The following AFF1 variants were observed in gnomAD, a reference collection of about 807,000 sequenced individuals.
AFF1 encodes AF4/FMR2 family member 1.
Under a neutral mutation model 121.7 loss-of-function variants are expected in AFF1, and 48 were observed. That is an observed-to-expected ratio of 0.39 (90% confidence interval 0.31 to 0.50). The LOEUF is 0.50. Among genes scored for constraint, AFF1 ranks in the 20% least tolerant of loss-of-function variants. The pLI, the probability that AFF1 is intolerant of heterozygous loss-of-function variation, is 0.76. For missense variants in AFF1, 1,523 were observed against 1,511.7 expected, an observed-to-expected ratio of 1.01 and a Z score of -0.12; for synonymous variants, 613 against 563.0, an observed-to-expected ratio of 1.09 and a Z score of -1.26.
Position 87,114,713 on chromosome 4 carries a change from G to A in AFF1, c.1880G>A (p.Ser627Asn). The A allele has an allele frequency of 1.9e-6, 3 of 1,613,968 alleles. No homozygotes were observed. Among genetic ancestry groups the A allele is most frequent in the East Asian group, 2.2e-5 (1 of 44,818 alleles). ...TCTGCCCGGGCAGGTTCACGGACCA[G>A]CCTGCAGGGGGAAAGGGAGCCAGGG... is the stretch of plus-strand genomic sequence containing the variant. ...KASARAGSRT[S>N]LQGEREPGLL... Residue 627 changes from serine (S) to asparagine (N), a missense_variant, in exon 12 of 21, where the codon AGC becomes AAC. Physicochemically the swap from Ser to Asn is conservative, Grantham distance 46. This residue lies in a region of AFF1 where 905 missense variants were observed against 842.5 expected (regional missense o/e 1.07). Transcript: ENST00000395146.
At chr4:86,937,431 TTCCTC>T (rs1446543458) in intron 1 of AFF1, among the ~76,000 whole-genome samples, 1 of 152,232 alleles carries the variant, frequency 6.6e-6, no homozygotes, top group Non-Finnish European at 1.5e-5. Context: ...TCTCTTCTGT[TTCCTC>T]TCCGGTTTAA....
At chr4:87,097,280 T>C (rs1724971966) in intron 8 of AFF1, among the ~76,000 whole-genome samples, 1 of 152,186 alleles carries the variant, frequency 6.6e-6, no homozygotes, top group Admixed American at 6.5e-5. Context: ...GGGTAGTGAC[T>C]GTGTCTCTCG....
At chr4:87,068,871 T>A (rs184377439) in intron 4 of AFF1, among the ~76,000 whole-genome samples, 1 of 152,264 alleles carries the variant, frequency 6.6e-6, no homozygotes, top group East Asian at 1.9e-4. Context: ...GGCAAGGGGA[T>A]GTGTGAAAAC....
At chr4:87,019,871 T>G (rs1313512236) in intron 2 of AFF1, among the ~76,000 whole-genome samples, 1 of 54,574 alleles carries the variant, frequency 1.8e-5, no homozygotes, top group East Asian at 6.4e-4. Flanking sequence ...CTGTGACTGG[T>G]GTCTGAAGGG....
At chr4:86,959,938 A>G (rs1722025576) in intron 2 of AFF1, among the ~76,000 whole-genome samples, 1 of 152,130 alleles carries the variant, frequency 6.6e-6, no homozygotes, top group Admixed American at 6.5e-5. Context: ...GTTGGTTCTA[A>G]CTGGGGGCCA....
At chr4:86,997,001 T>TCCCGGG (rs1257971578) in intron 2 of AFF1, among the ~76,000 whole-genome samples, 40 of 152,294 alleles carry the variant, frequency 2.6e-4, no homozygotes, top group African/African-American at 9.4e-4. Flanking sequence ...AACCTCTGCC[T>TCCCGGG]CCCGGGTTCA....
rs1355812563 is a variant in AFF1 at position 86,987,089 on chromosome 4, C to T, written c.38+38518C>T. The stretch of plus-strand genomic sequence containing the variant: ...CAAACTGCTGGCATCAGGTGATTCT[C>T]TTGCCTTAAATCCTCATCTTCAAGC... On this transcript the variant is annotated intron_variant, in intron 2 of 20. Transcript: ENST00000395146. Among the ~76,000 whole-genome samples, 7 of 152,234 alleles carry T rather than the reference C, an allele frequency of 4.6e-5. No homozygotes were observed. In the East Asian group the frequency reaches 1.2e-3, roughly 25 times the overall value.
At chr4:87,049,594 A>T in intron 4 of AFF1, 1 of 430,816 alleles carries the variant, frequency 2.3e-6, no homozygotes, top group East Asian at 7.2e-5. Flanking sequence ...TTTTGGCACC[A>T]GTGCATCTGC....
At chr4:87,101,143 A>AG (rs1422356912) in intron 8 of AFF1, among the ~76,000 whole-genome samples, 3 of 152,150 alleles carry the variant, frequency 2.0e-5, no homozygotes, top group African/African-American at 4.8e-5. Context: ...CAACTGCTGG[A>AG]GATCTACCTT....
At chr4:87,033,288 C>CT in intron 2 of AFF1, among the ~76,000 whole-genome samples, 1 of 152,158 alleles carries the variant, frequency 6.6e-6, no homozygotes. Flanking sequence ...TTTCCTGTTG[C>CT]TTTTTGCTGC....
chr4:86,938,536 A>G (rs1720219323), intron 1 of AFF1, among the ~76,000 whole-genome samples: 1 of 152,098 alleles, frequency 6.6e-6, no homozygotes, highest in East Asian at 1.9e-4. Context: ...TTCCTCAAAT[A>G]ATAAATTCAA....
At chr4:87,064,242 G>T (rs926576936) in intron 4 of AFF1, among the ~76,000 whole-genome samples, 1 of 152,126 alleles carries the variant, frequency 6.6e-6, no homozygotes, top group Admixed American at 6.5e-5. Flanking sequence ...TCTGTGACCT[G>T]GGTCACAAAT....
intron 2 of AFF1, among the ~76,000 whole-genome samples, chr4:87,011,098 GA>G (rs1241955738): frequency 0.046 from 5,606 of 122,704 alleles, 384 homozygotes; most frequent in African/African-American, 0.15. Context: ...AAAAAAAAAA[GA>G]AAAAAAAAAT....
intron 2 of AFF1, among the ~76,000 whole-genome samples, chr4:86,963,389 A>T (rs1722291709): frequency 6.6e-6 from 1 of 152,126 alleles, no homozygotes. Context: ...TCAACTAGGA[A>T]CTAGGGAGAG....
intron 13 of AFF1, 50 bp downstream of exon 13, chr4:87,125,193 T>C: frequency 6.9e-7 from 1 of 1,439,146 alleles, no homozygotes; most frequent in Non-Finnish European, 9.4e-7. Context: ...CAACACTTCT[T>C]GGGTCTTGAC....
Position 86,978,177 on chromosome 4 carries a change from C to CTTTTTTTTTTTT in AFF1, c.38+29619_38+29630dup, listed in dbSNP as rs10676975. Among the ~76,000 whole-genome samples, 86 of 39,336 alleles carry CTTTTTTTTTTTT rather than the reference C, an allele frequency of 2.2e-3. 21 individuals carry two copies. Among genetic ancestry groups the CTTTTTTTTTTTT allele is most frequent in the African/African-American group, 4.5e-3 (52 of 11,560 alleles). The allele number at this position is 39,336 out of a possible 152,430, so 25.8% of individuals were successfully genotyped here. A position where few individuals can be genotyped will look rare whatever the true frequency, so the allele number is the denominator to read the frequency against. ...CTTCTCTTACTTCTCATTACATTCA[C>CTTTTTTTTTTTT]TTTTTTTTTTTTTTTTTTTTTTTTG... is the stretch of plus-strand genomic sequence containing the variant. On this transcript the variant is annotated intron_variant, in intron 2 of 20. Coordinates refer to ENST00000395146, the MANE Select transcript of AFF1 (RefSeq NM_001166693.3).
intron 17 of AFF1, among the ~76,000 whole-genome samples, 154 bp downstream of exon 17, chr4:87,131,373 C>T (rs1225992567): frequency 6.6e-6 from 1 of 152,206 alleles, no homozygotes; most frequent in Non-Finnish European, 1.5e-5. Context: ...CCTGAAGTTG[C>T]GTTCTAGATG....
chr4:87,061,808 C>T (rs1023441652), intron 4 of AFF1, among the ~76,000 whole-genome samples: 1 of 151,990 alleles, frequency 6.6e-6, no homozygotes, highest in Admixed American at 6.6e-5. Context: ...ATGCAAAAGA[C>T]CTATCTTTTC....
At chr4:87,049,204 C>G (rs1240594203) in intron 4 of AFF1, among the ~76,000 whole-genome samples, 1 of 152,040 alleles carries the variant, frequency 6.6e-6, no homozygotes, top group African/African-American at 2.4e-5. Context: ...CTACCAAATG[C>G]CCAACCATAT....
Sources: allele counts gnomAD v4.1 joint callset (sites outside exome capture counted in the v4.1 genomes callset), GRCh38; gene constraint gnomAD v4.1.1; regional missense constraint gnomAD v4.1.1; transcripts MANE v1.5; gene names NCBI Gene and HGNC (gene_info 2026-07-23, HGNC 2026-07-21).